The following FANCM variants were observed in gnomAD, a reference collection of about 807,000 sequenced individuals.
FANCM encodes the protein Fanconi anemia group M protein.
Under a neutral mutation model 199.5 loss-of-function variants are expected in FANCM, and 140 were observed. That is an observed-to-expected ratio of 0.70 (90% CI 0.61 to 0.81). FANCM has a LOEUF of 0.81. Ranked by LOEUF, FANCM falls within the 30% of genes least tolerant of loss-of-function variation. The probability of loss-of-function intolerance (pLI) is 0.00; values close to 1 mark genes in which losing one functional copy is unlikely to be tolerated. For missense variants in FANCM, 2,410 were observed against 2,421.4 expected (o/e 1.00, Z 0.10); for synonymous variants, 840 against 836.8 (o/e 1.00, Z -0.07).
intron 8 of FANCM, among the ~76,000 whole-genome samples, chr14:45,156,975 A>T (rs766427682): frequency 1.3e-4 from 20 of 151,218 alleles, no homozygotes; most frequent in Non-Finnish European, 2.8e-4. Flanking sequence ...ATATACATTT[A>T]TGTGTACATG....
At chr14:45,182,634 G>C (rs542062296) in intron 16 of FANCM, among the ~76,000 whole-genome samples, 13 of 152,184 alleles carry the variant, frequency 8.5e-5, no homozygotes, top group African/African-American at 3.1e-4. Context: ...ATACTCACCA[G>C]TTTATAGCTG....
At position 45,199,970 on chromosome 14, in the gene FANCM, A is replaced by G. The variant is rs1302034998; in HGVS notation, c.6109A>G (p.Asn2037Asp). ...HYVFDIQMLP[N>D]DLNQDRLKSD... ...TGTATTTGACATACAAATGTTACCA[A>G]ATGATCTTAACCAAGATAGACTGAA... Residue 2037 changes from asparagine to aspartate, a missense_variant, in exon 23 of 23, where the codon AAT (asparagine) becomes GAT (aspartate). Transcript: ENST00000267430. 1 of 1,609,556 alleles carries G rather than the reference A, an allele frequency of 6.2e-7. No individual in the cohort carries two copies. The highest frequency in any genetic ancestry group is 1.7e-5 in the Admixed American group (1 of 59,992).
chr14:45,148,755 C>G (rs1886608910), intron 3 of FANCM, 82 bp from the exon 4 acceptor site: 1 of 861,356 alleles, frequency 1.2e-6, no homozygotes, highest in Non-Finnish European at 1.9e-6. Context: ...CAAAATTTTA[C>G]TGCTATTTTA....
intron 20 of FANCM, among the ~76,000 whole-genome samples, chr14:45,190,889 T>C (rs1035035287): frequency 1.3e-5 from 2 of 152,186 alleles, no homozygotes; most frequent in Non-Finnish European, 2.9e-5. Context: ...TGAGTTCTTA[T>C]TGTGTTGCTT....
chr14:45,164,612 A>C, intron 10 of FANCM, 47 bp downstream of exon 10: 6 of 1,382,262 alleles, frequency 4.3e-6, no homozygotes, highest in Non-Finnish European at 6.1e-6. Flanking sequence ...AATTTGAGAA[A>C]TACAGCCCAA....
chr14:45,188,345 G>C (rs1594814137), intron 19 of FANCM, among the ~76,000 whole-genome samples: 1 of 152,192 alleles, frequency 6.6e-6, no homozygotes, highest in East Asian at 1.9e-4. Flanking sequence ...ATCTCAAAAA[G>C]TAAAAAAGAT....
At chr14:45,163,747 C>A (rs916948952) in intron 9 of FANCM, among the ~76,000 whole-genome samples, 1 of 152,144 alleles carries the variant, frequency 6.6e-6, no homozygotes, top group Admixed American at 6.5e-5. Flanking sequence ...CTGCCCTATT[C>A]CCCTTTCTGT....
intron 3 of FANCM, among the ~76,000 whole-genome samples, chr14:45,143,745 G>C (rs1431561314): frequency 6.8e-6 from 1 of 146,984 alleles, no homozygotes; most frequent in Non-Finnish European, 1.5e-5. Flanking sequence ...CCAGGCTGGA[G>C]TGCAGTGGCG....
intron 16 of FANCM, among the ~76,000 whole-genome samples, chr14:45,183,553 T>C (rs999727296): frequency 2.6e-5 from 4 of 152,198 alleles, no homozygotes; most frequent in Non-Finnish European, 5.9e-5. Context: ...ACATATTCGA[T>C]GTAATACTAT....
chr14:45,163,574 G>A (rs1281585075), intron 9 of FANCM, among the ~76,000 whole-genome samples: 3 of 152,162 alleles, frequency 2.0e-5, no homozygotes, highest in African/African-American at 7.2e-5. Flanking sequence ...AAACTGATCA[G>A]AGAAATCCTG....
chr14:45,183,076 A>G (rs1417519981), intron 16 of FANCM, among the ~76,000 whole-genome samples: 4 of 152,178 alleles, frequency 2.6e-5, no homozygotes, highest in African/African-American at 9.6e-5. Flanking sequence ...GTTGGGGACC[A>G]TATGTAATTA....
intron 3 of FANCM, 46 bp from the exon 4 acceptor site, chr14:45,148,791 A>C (rs1886610816): frequency 1.4e-6 from 2 of 1,431,608 alleles, no homozygotes; most frequent in East Asian, 4.6e-5. Flanking sequence ...TAAACTAAAA[A>C]ATTTTAACAT....
At chr14:45,181,800 A>G in intron 16 of FANCM, 95 bp downstream of exon 16, 1 of 767,416 alleles carries the variant, frequency 1.3e-6, no homozygotes, top group Non-Finnish European at 2.2e-6. Flanking sequence ...GGTATTTTTA[A>G]TCCTTAGTAG....
intron 21 of FANCM, 83 bp from the exon 22 acceptor site, chr14:45,198,561 G>GTTTGCCTT: frequency 1.4e-6 from 1 of 714,700 alleles, no homozygotes; most frequent in Non-Finnish European, 2.0e-6. Context: ...TAGATCTTGG[G>GTTTGCCTT]ATTTTAATAA....
rs148605513 is a variant in FANCM, at chr14:45,176,125, C to T, written c.3371C>T (p.Pro1124Leu). ...NNHDVDNSDL[P>L]VLSTDQDESL... ...CATGATGTTGATAACAGTGACCTCC[C>T]AGTATTGTCCACTGATCAAGATGAA... is the stretch of plus-strand genomic sequence containing the variant. The change falls in exon 14 of 23, where the codon CCA (proline) becomes CTA (leucine). Residue 1124 changes from proline (P) to leucine (L), a missense_variant. Physicochemically the swap from Pro to Leu is moderately conservative, Grantham distance 98. Transcript: ENST00000267430. The T allele has an allele frequency of 9.9e-6, 16 of 1,613,742 alleles. No individual in the cohort carries two copies. The African/African-American group carries it at 1.7e-4, about 18-fold the overall frequency.
rs1230956702 is a variant in FANCM, at chr14:45,175,469, A to T, written c.2715A>T (p.Glu905Asp). 1 of 1,608,928 alleles carries T rather than the reference A, an allele frequency of 6.2e-7. No individual in the cohort carries two copies. Among genetic ancestry groups the T allele is most frequent in the Non-Finnish European group, 8.5e-7 (1 of 1,177,620 alleles). Residue 905 changes from glutamate to aspartate, a missense_variant, in exon 14 of 23, where the codon GAA (glutamate) becomes GAT (aspartate). Glu to Asp is a conservative substitution (Grantham distance 45, BLOSUM62 2). Transcript: ENST00000267430. ...ATAAAAGGACATCAGATACAGATGA[A>T]ATTGCTGCCACATGTACTATTAATG... is the stretch of plus-strand genomic sequence containing the variant. ...PNDKRTSDTD[E>D]IAATCTINEN...
At chr14:45,161,113 G>T (rs1431487982) in intron 9 of FANCM, among the ~76,000 whole-genome samples, 1 of 152,030 alleles carries the variant, frequency 6.6e-6, no homozygotes, top group Non-Finnish European at 1.5e-5. Flanking sequence ...ATCAATTTCA[G>T]TATTACCTAA....
intron 14 of FANCM, among the ~76,000 whole-genome samples, chr14:45,178,933 T>C (rs1325249397): frequency 6.6e-6 from 1 of 152,204 alleles, no homozygotes; most frequent in Non-Finnish European, 1.5e-5. Context: ...GCGCAATGGC[T>C]CATGCCTGTA....
chr14:45,179,308 C>T (rs1160891565), intron 14 of FANCM, among the ~76,000 whole-genome samples: 3 of 152,106 alleles, frequency 2.0e-5, no homozygotes, highest in Non-Finnish European at 4.4e-5. Flanking sequence ...AAACTATACC[C>T]TCAGCTCACC....
Sources: gnomAD v4.1 joint callset for allele counts (sites outside exome capture counted in the v4.1 genomes callset) on GRCh38, gnomAD v4.1.1 for gene constraint, MANE v1.5 for transcripts, NCBI Gene and HGNC (gene_info 2026-07-23, HGNC 2026-07-21) for gene names.